Variants in PRICKLE1 observed in about 807,000 individuals in gnomAD.
The protein encoded by PRICKLE1 is prickle planar cell polarity protein 1, also known as prickle-like protein 1.
PRICKLE1 carries 14 observed loss-of-function variants against 70.2 expected under a neutral mutation model. The ratio of observed to expected loss-of-function variants is 0.20; its 90% CI spans 0.13 to 0.31. The LOEUF (loss-of-function observed/expected upper bound fraction) is 0.31, where lower values mean the gene tolerates loss of function less well. Ranked by LOEUF, PRICKLE1 falls within the 10% of genes least tolerant of loss-of-function variation. The pLI is 1.00. For synonymous variants in PRICKLE1, 357 were observed against 379.9 expected (o/e 0.94, Z 0.70); for missense variants, 821 against 1,026.2 (o/e 0.80, Z 2.73).
At position 42,458,935 on chromosome 12, in the gene PRICKLE1, T is replaced by C. The variant is rs1262403686; in HGVS notation, c.*874A>G. ...GCCATAGTTTTAAAGAGTACTTACA[T>C]AGCCCCACCATGCATACAGAGCCTT... On this transcript the variant is annotated 3_prime_UTR_variant, in exon 8 of 8. Transcript: ENST00000345127. The C allele has an allele frequency of 4.5e-6, 1 of 223,294 alleles. No individual in the cohort carries two copies. Among genetic ancestry groups the C allele is most frequent in the Non-Finnish European group, 9.0e-6 (1 of 110,662 alleles). 13.8% of individuals were successfully genotyped at this position (223,294 alleles called of 1,614,324 possible). A position where few individuals can be genotyped will look rare whatever the true frequency, so the allele number is the denominator to read the frequency against.
Position 42,459,665 on chromosome 12 carries a change from C to A in PRICKLE1, c.*144G>T. 2 of 933,546 alleles carry A rather than the reference C, an allele frequency of 2.1e-6. No homozygotes were observed. Among genetic ancestry groups the A allele is most frequent in the South Asian group, 1.5e-5 (1 of 65,984 alleles). The allele number at this position is 933,546 out of a possible 1,614,324, so 57.8% of individuals were successfully genotyped here. A position where few individuals can be genotyped will look rare whatever the true frequency, so the allele number is the denominator to read the frequency against. ...TCACACCTTTCAAATGTTAATCTGA[C>A]ACTGTAAACAGCAGTTGAGTTCTCA... On this transcript the variant is annotated 3_prime_UTR_variant, in exon 8 of 8. Coordinates refer to ENST00000345127, the MANE Select transcript of PRICKLE1 (RefSeq NM_153026.3).
intron 1 of PRICKLE1, among the ~76,000 whole-genome samples, chr12:42,500,439 T>A (rs1394888544): frequency 6.6e-6 from 1 of 152,182 alleles, no homozygotes; most frequent in Non-Finnish European, 1.5e-5. Flanking sequence ...CTTGGATGAG[T>A]TCAGCAACCC....
intron 1 of PRICKLE1, among the ~76,000 whole-genome samples, chr12:42,481,651 C>T (rs73128405): frequency 0.021 from 3,189 of 152,338 alleles, 54 homozygotes; most frequent in South Asian, 0.098. Flanking sequence ...TACTCCAATT[C>T]TCCCAGACTA....
intron 2 of PRICKLE1, 81 bp downstream of exon 2, chr12:42,472,304 T>C: frequency 2.7e-6 from 4 of 1,472,590 alleles, no homozygotes; most frequent in Non-Finnish European, 2.8e-6. Flanking sequence ...AGTGATGTTC[T>C]ATCCATTTAC....
chr12:42,513,393 T>TG (rs1293675195), intron 1 of PRICKLE1, among the ~76,000 whole-genome samples: 2 of 152,158 alleles, frequency 1.3e-5, no homozygotes, highest in African/African-American at 4.8e-5. Context: ...AGGTACTCAA[T>TG]TAATATTTGT....
intron 1 of PRICKLE1, among the ~76,000 whole-genome samples, chr12:42,488,922 C>CTTTTTTTTTTTTTTT (rs768868836): frequency 7.6e-6 from 1 of 130,894 alleles, no homozygotes; most frequent in African/African-American, 2.9e-5. Context: ...ATCAATCTAT[C>CTTTTTTTTTTTTTTT]TTTTTTTTTT....
At chr12:42,518,166 C>T (rs1008329197) in intron 1 of PRICKLE1, among the ~76,000 whole-genome samples, 2 of 151,522 alleles carry the variant, frequency 1.3e-5, no homozygotes, top group Non-Finnish European at 2.9e-5. Context: ...GCCTCAGCCT[C>T]CTGCGTAGCT....
At chr12:42,557,175 T>C (rs10785347) in intron 1 of PRICKLE1, among the ~76,000 whole-genome samples, 66,963 of 151,892 alleles carry the variant, frequency 0.44, 15,779 homozygotes, top group East Asian at 0.64. Context: ...TGAGTGCTAC[T>C]CAATGACAGG....
Position 42,589,225 on chromosome 12 carries a change from C to A in PRICKLE1, c.-49+240G>T, listed in dbSNP as rs566887415. Reference sequence around the variant, plus strand: ...TGTGATGCAGCAAACAGGAGCCATGCGGAGAGCCTCTGCGGAGCCCTGGCG... The same window carrying A: ...TGTGATGCAGCAAACAGGAGCCATGAGGAGAGCCTCTGCGGAGCCCTGGCG... On this transcript the variant is annotated intron_variant, in intron 1 of 7. Transcript: ENST00000345127. This position sits in a 1 kb window ranked among gnomAD's most constrained non-coding sequence, Gnocchi z 5.0. 1.3e-5 allele frequency: 2 copies of A among 152,446 alleles called. No individual in the cohort carries two copies. Among genetic ancestry groups the A allele is most frequent in the East Asian group, 3.9e-4 (2 of 5,176 alleles). 9.4% of individuals were successfully genotyped at this position (152,446 alleles called of 1,614,324 possible).
Position 42,497,909 on chromosome 12 carries a change from G to A in PRICKLE1, c.-48-25345C>T, listed in dbSNP as rs536165973. Among the ~76,000 whole-genome samples, 5 of 152,178 alleles carry A rather than the reference G, an allele frequency of 3.3e-5. No individual in the cohort carries two copies. The South Asian group carries it at 8.3e-4, about 25-fold the overall frequency. On this transcript the variant is annotated intron_variant, in intron 1 of 7. Coordinates refer to ENST00000345127, the MANE Select transcript of PRICKLE1 (RefSeq NM_153026.3). ...CCATGTCCCCACCCTGGACACGACC[G>A]CAGCCTAACTCACTCCCTCAGGTCT...
chr12:42,469,574 T>C lies in PRICKLE1; in HGVS notation c.260A>G (p.Gln87Arg). The C allele has an allele frequency of 1.2e-6, 2 of 1,614,168 alleles. No individual in the cohort carries two copies. Among genetic ancestry groups the C allele is most frequent in the African/African-American group, 1.3e-5 (1 of 75,048 alleles). Residue 87 changes from glutamine (Q) to arginine (R), a missense_variant, in exon 4 of 8, where the codon CAG (glutamine) becomes CGG (arginine). Gln to Arg is a conservative substitution (Grantham distance 43). Coordinates refer to ENST00000345127, the MANE Select transcript of PRICKLE1 (RefSeq NM_153026.3). The part of the protein sequence containing the change: ...PPHDNEVRYC[Q>R]SLSEEEKKEL... ...TTTTTTCTCCTCTTCACTCAAAGAC[T>C]GGCAATACCGTACCTTCACAGAAAG...
intron 1 of PRICKLE1, among the ~76,000 whole-genome samples, chr12:42,502,365 T>A (rs1364483083): frequency 6.6e-6 from 1 of 151,776 alleles, no homozygotes; most frequent in African/African-American, 2.4e-5. Flanking sequence ...TGGAGTGCAG[T>A]GGCACGATCA....
intron 1 of PRICKLE1, among the ~76,000 whole-genome samples, chr12:42,561,423 C>A (rs1226985811): frequency 6.6e-6 from 1 of 152,152 alleles, no homozygotes; most frequent in East Asian, 1.9e-4. Flanking sequence ...TTTTTCTACT[C>A]CATTCAACTT....
At position 42,554,917 on chromosome 12, in the gene PRICKLE1, G is replaced by C. The variant is rs138174361; in HGVS notation, c.-49+34548C>G. Among the ~76,000 whole-genome samples, 365 of 151,634 alleles carry C rather than the reference G, an allele frequency of 2.4e-3. 1 individual carries two copies. The highest frequency in any genetic ancestry group is 7.8e-3 in the African/African-American group (322 of 41,308). On this transcript the variant is annotated intron_variant, in intron 1 of 7. Transcript: ENST00000345127. ...TTTTTCTTACACGAGTACCTCACTA[G>C]GTAGTGCAATATGGACACTTAGATG...
chr12:42,459,305 C>T lies in PRICKLE1; in HGVS notation c.*504G>A, dbSNP rs1315078249. ...GGCGCTGATACAATACAATGTTTAC[C>T]TGGCCAAAGAGGGTTCGAGGGGACA... On this transcript the variant is annotated 3_prime_UTR_variant, in exon 8 of 8. Transcript: ENST00000345127. 4.3e-6 allele frequency: 3 copies of T among 701,508 alleles called. No homozygotes were observed. The highest frequency in any genetic ancestry group is 4.0e-5 in the Admixed American group (2 of 49,924). The allele number at this position is 701,508 out of a possible 1,614,324, so 43.5% of individuals were successfully genotyped here. A position where few individuals can be genotyped will look rare whatever the true frequency, so the allele number is the denominator to read the frequency against.
chr12:42,502,686 T>G (rs538074332), intron 1 of PRICKLE1, among the ~76,000 whole-genome samples: 15 of 152,190 alleles, frequency 9.9e-5, no homozygotes, highest in East Asian at 1.9e-4. Flanking sequence ...CATTTTACAC[T>G]GGAATGTATT....
At chr12:42,541,418 G>A (rs1161095761) in intron 1 of PRICKLE1, among the ~76,000 whole-genome samples, 1 of 151,254 alleles carries the variant, frequency 6.6e-6, no homozygotes, top group African/African-American at 2.4e-5. Flanking sequence ...ATGGCTCACT[G>A]CAGCCTCGAC....
At chr12:42,512,335 T>TG (rs1939529110) in intron 1 of PRICKLE1, among the ~76,000 whole-genome samples, 1 of 127,680 alleles carries the variant, frequency 7.8e-6, no homozygotes, top group Non-Finnish European at 1.9e-5. Context: ...CATGCCCAGC[T>TG]AATTTTTTTT....
At chr12:42,553,358 G>A (rs1367382378) in intron 1 of PRICKLE1, among the ~76,000 whole-genome samples, 2 of 151,834 alleles carry the variant, frequency 1.3e-5, no homozygotes, top group Non-Finnish European at 2.9e-5. Context: ...GCAGGAGAAT[G>A]GCGTGAACCG....
Sources: gnomAD v4.1 joint callset for allele counts (sites outside exome capture counted in the v4.1 genomes callset) on GRCh38, gnomAD v4.1.1 for gene constraint, Gnocchi (gnomAD v3.1) non-coding constraint, MANE v1.5 for transcripts, NCBI Gene and HGNC (gene_info 2026-07-23, HGNC 2026-07-21) for gene names.